The following ATP1B3 variants were observed in gnomAD, a reference collection of about 807,000 sequenced individuals.
The protein encoded by ATP1B3 is sodium/potassium-transporting ATPase subunit beta-3.
Under a neutral mutation model 30.2 loss-of-function variants are expected in ATP1B3, and 10 were observed. The ratio of observed to expected loss-of-function variants is 0.33; its 90% CI spans 0.20 to 0.56. ATP1B3 has a LOEUF of 0.56. Among genes scored for constraint, ATP1B3 ranks in the 20% least tolerant of loss-of-function variants. ATP1B3 has a pLI of 0.90. For synonymous variants in ATP1B3, 113 were observed against 117.0 expected (o/e 0.97, Z 0.22); for missense variants, 238 against 336.7 (o/e 0.71, Z 2.29).
intron 1 of ATP1B3, among the ~76,000 whole-genome samples, chr3:141,885,880 AACACACACACACACACACACAC>A (rs146684460): frequency 1.2e-4 from 17 of 141,636 alleles, no homozygotes; most frequent in African/African-American, 4.4e-4. Flanking sequence ...GCTGCGTTAA[AACACACACACACACACACACAC>A]ACACACACAC....
intron 5 of ATP1B3, 25 bp downstream of exon 5, chr3:141,916,045 G>A (rs1284490985): frequency 3.2e-6 from 5 of 1,575,966 alleles, no homozygotes; most frequent in South Asian, 1.2e-5. Context: ...AGTAACTCCT[G>A]TTAAATCTTT....
chr3:141,882,141 A>G (rs1577955270), intron 1 of ATP1B3, among the ~76,000 whole-genome samples: 1 of 152,306 alleles, frequency 6.6e-6, no homozygotes, highest in East Asian at 1.9e-4. Flanking sequence ...TGTCTATAGT[A>G]ACAACTTTTC....
intron 4 of ATP1B3, among the ~76,000 whole-genome samples, chr3:141,915,077 G>A (rs1041171498): frequency 6.6e-6 from 1 of 152,172 alleles, no homozygotes; most frequent in Non-Finnish European, 1.5e-5. Flanking sequence ...GTATCCTCAC[G>A]ACATCTAGAT....
intron 1 of ATP1B3, among the ~76,000 whole-genome samples, chr3:141,881,398 A>G (rs1041475069): frequency 6.6e-6 from 1 of 152,160 alleles, no homozygotes. Context: ...CAAAACTGTT[A>G]GCACCTATAT....
chr3:141,876,936 G>A (rs756734558), intron 1 of ATP1B3, 26 bp downstream of exon 1: 22 of 1,531,400 alleles, frequency 1.4e-5, no homozygotes, highest in Non-Finnish European at 1.9e-5. Context: ...CTGGGCGTCC[G>A]GGGCCGGCCT....
chr3:141,890,638 A>T (rs1256809511), intron 1 of ATP1B3, among the ~76,000 whole-genome samples: 2 of 148,432 alleles, frequency 1.3e-5, no homozygotes, highest in Non-Finnish European at 2.9e-5. Context: ...GGGTTTTGCC[A>T]TGTTGCCCAG....
chr3:141,916,884 T>A (rs1042233935), intron 5 of ATP1B3, among the ~76,000 whole-genome samples: 1 of 152,090 alleles, frequency 6.6e-6, no homozygotes, highest in Non-Finnish European at 1.5e-5. Flanking sequence ...TTTTTTCTTT[T>A]AGACGGAGTC....
intron 1 of ATP1B3, among the ~76,000 whole-genome samples, chr3:141,886,442 C>T (rs1933836108): frequency 6.6e-6 from 1 of 152,154 alleles, no homozygotes; most frequent in Non-Finnish European, 1.5e-5. Flanking sequence ...AATGTTGTAT[C>T]TGTATATAAA....
intron 1 of ATP1B3, among the ~76,000 whole-genome samples, chr3:141,901,618 T>C (rs1238939123): frequency 6.6e-6 from 1 of 152,220 alleles, no homozygotes; most frequent in Admixed American, 6.5e-5. Flanking sequence ...TGTAATTCTT[T>C]ATACTCATTA....
intron 3 of ATP1B3, among the ~76,000 whole-genome samples, chr3:141,909,696 T>G (rs964247377): frequency 2.0e-5 from 3 of 152,206 alleles, no homozygotes; most frequent in Non-Finnish European, 4.4e-5. Flanking sequence ...GTTAGGGAGT[T>G]AAAGGAGATC....
At chr3:141,900,245 G>A (rs8179925) in intron 1 of ATP1B3, among the ~76,000 whole-genome samples, 17,497 of 151,978 alleles carry the variant, frequency 0.12, 1,405 homozygotes, top group East Asian at 0.39. Context: ...AGACCTCCAA[G>A]GAGGGCAGGA....
chr3:141,924,515 G>A (rs1293529556), intron 6 of ATP1B3, among the ~76,000 whole-genome samples: 2 of 152,134 alleles, frequency 1.3e-5, no homozygotes, highest in Non-Finnish European at 2.9e-5. Context: ...TGGGTATGGT[G>A]GTGGGCACCC....
intron 5 of ATP1B3, among the ~76,000 whole-genome samples, chr3:141,917,689 TCACA>T (rs547029001): frequency 2.0e-5 from 3 of 151,618 alleles, no homozygotes; most frequent in Non-Finnish European, 4.4e-5. Flanking sequence ...TGAGACTCCA[TCACA>T]CACACACAAA....
At chr3:141,890,849 A>C (rs1409363776) in intron 1 of ATP1B3, among the ~76,000 whole-genome samples, 1 of 152,246 alleles carries the variant, frequency 6.6e-6, no homozygotes, top group Admixed American at 6.5e-5. Context: ...CTGGGATCAC[A>C]GGGGTGAGTC....
In ATP1B3 at chr3:141,903,626, T is replaced by G. The variant is rs763152748; in HGVS notation, c.116T>G (p.Ile39Ser). ...GTTTTATTTTCTTTTACAGGTTTGA[T>G]CTTGCTCTTCTACCTAGTTTTTTAT... ...LGRTAKSWGL[I>S]LLFYLVFYGF... Residue 39 changes from isoleucine (I) to serine (S), a missense_variant, in exon 2 of 7, where the codon ATC becomes AGC. Ile to Ser is a moderately radical substitution (Grantham distance 142). Coordinates refer to ENST00000286371, the MANE Select transcript of ATP1B3 (RefSeq NM_001679.4). The G allele has an allele frequency of 2.5e-6, 4 of 1,613,788 alleles. No individual in the cohort carries two copies. The highest frequency in any genetic ancestry group is 2.5e-6 in the Non-Finnish European group (3 of 1,179,818).
intron 1 of ATP1B3, among the ~76,000 whole-genome samples, chr3:141,881,032 G>A (rs1031059827): frequency 3.9e-5 from 6 of 151,970 alleles, no homozygotes; most frequent in African/African-American, 4.8e-5. Flanking sequence ...GGCGAAATCC[G>A]TCTTTACTTA....
At chr3:141,881,420 G>A (rs1255927861) in intron 1 of ATP1B3, among the ~76,000 whole-genome samples, 1 of 152,116 alleles carries the variant, frequency 6.6e-6, no homozygotes, top group Non-Finnish European at 1.5e-5. Flanking sequence ...TTGTTTGTGT[G>A]CCTTTTCTTT....
chr3:141,884,792 A>G (rs1933797934), intron 1 of ATP1B3, among the ~76,000 whole-genome samples: 1 of 152,160 alleles, frequency 6.6e-6, no homozygotes, highest in African/African-American at 2.4e-5. Flanking sequence ...ATATATACAT[A>G]TTATTAGTTC....
Position 141,889,756 on chromosome 3 carries a change from TACACACACACAC to T in ATP1B3, c.109+12875_109+12886del, listed in dbSNP as rs34670135. Among the ~76,000 whole-genome samples, 476 of 84,028 alleles carry T rather than the reference TACACACACACAC, an allele frequency of 5.7e-3. 22 individuals carry two copies. The highest frequency in any genetic ancestry group is 0.019 in the African/African-American group (335 of 18,066). 55.1% of individuals were successfully genotyped at this position (84,028 alleles called of 152,430 possible). ...AAAAAAAAAAAAAAAAAAAAATATA[TACACACACACAC>T]ACACACACACACACACACACACACA... On this transcript the variant is annotated intron_variant, in intron 1 of 6. Coordinates refer to ENST00000286371, the MANE Select transcript of ATP1B3 (RefSeq NM_001679.4).
Sources: allele counts gnomAD v4.1 joint callset (sites outside exome capture counted in the v4.1 genomes callset), GRCh38; gene constraint gnomAD v4.1.1; transcripts MANE v1.5; gene names NCBI Gene and HGNC (gene_info 2026-07-23, HGNC 2026-07-21).